ERC2: variants seen among roughly 807,000 people sequenced by gnomAD.
ERC2 encodes ELKS/RAB6-interacting/CAST family member 2.
A neutral mutation model predicts 114.8 loss-of-function variants in ERC2; 42 were observed. The ratio of observed to expected loss-of-function variants is 0.37; its 90% CI spans 0.29 to 0.47. ERC2 has a LOEUF of 0.47. Ranked by LOEUF, ERC2 falls within the 20% of genes least tolerant of loss-of-function variation. The pLI is 0.99. For missense variants in ERC2, 939 were observed against 1,150.7 expected, an observed-to-expected ratio of 0.82 and a Z score of 2.66; for synonymous variants, 454 against 425.5, an observed-to-expected ratio of 1.07 and a Z score of -0.82.
chr3:56,104,451 T>G (rs2078535201), intron 6 of ERC2, among the ~76,000 whole-genome samples: 2 of 152,206 alleles, frequency 1.3e-5, no homozygotes, highest in Admixed American at 1.3e-4. Flanking sequence ...ACCTCTAATT[T>G]TCCCTTCTTA....
intron 13 of ERC2, among the ~76,000 whole-genome samples, chr3:55,907,086 G>A (rs924176257): frequency 2.6e-5 from 4 of 152,182 alleles, no homozygotes; most frequent in African/African-American, 9.7e-5. Flanking sequence ...GCACACAGTG[G>A]TGAATCAGAA....
intron 3 of ERC2, among the ~76,000 whole-genome samples, chr3:56,185,609 G>A (rs779710670): frequency 9.9e-5 from 15 of 152,198 alleles, no homozygotes; most frequent in Admixed American, 2.6e-4. Flanking sequence ...GATCTGGGAT[G>A]AGGTGAATGT....
Position 55,766,498 on chromosome 3 carries a change from G to A in ERC2, c.2565-31580C>T, listed in dbSNP as rs987145546. Among the ~76,000 whole-genome samples the A allele has an allele frequency of 3.9e-5, 6 of 152,066 alleles. No homozygotes were observed. The South Asian group carries it at 1.2e-3, about 32-fold the overall frequency. ...CCAACAACAGTATGCAAGCTTTCCT[G>A]CCCAGCCTTGGAAATGACCCAAGGA... is the stretch of plus-strand genomic sequence containing the variant. On this transcript the variant is annotated intron_variant, in intron 14 of 17. Coordinates refer to ENST00000288221, the MANE Select transcript of ERC2 (RefSeq NM_015576.3).
Position 56,196,758 on chromosome 3 carries a change from A to G in ERC2, c.1075-23238T>C, listed in dbSNP as rs529362400. Among the ~76,000 whole-genome samples, 112 of 152,306 alleles carry G rather than the reference A, an allele frequency of 7.4e-4. 1 individual carries two copies. In the Middle Eastern group the frequency reaches 0.01, roughly 14 times the overall value. Reference sequence around the variant, plus strand: ...TGACGAGGCCTAGCTACTGAGCCACAGATAAATGTTTCTTCAAGATAGTAA... The same window carrying G: ...TGACGAGGCCTAGCTACTGAGCCACGGATAAATGTTTCTTCAAGATAGTAA... On this transcript the variant is annotated intron_variant, in intron 3 of 17. Coordinates refer to ENST00000288221, the MANE Select transcript of ERC2 (RefSeq NM_015576.3).
chr3:56,308,414 G>C (rs2056355704), intron 2 of ERC2, among the ~76,000 whole-genome samples: 1 of 152,190 alleles, frequency 6.6e-6, no homozygotes. Context: ...AATACACTTT[G>C]CCTTAGCCAA....
intron 5 of ERC2, among the ~76,000 whole-genome samples, chr3:56,144,253 G>A (rs1358479631): frequency 6.6e-6 from 1 of 152,186 alleles, no homozygotes; most frequent in East Asian, 1.9e-4. Flanking sequence ...TGGAACAAAA[G>A]TAAGAAGTTC....
rs547464988 is a variant in ERC2 at position 55,708,169 on chromosome 3, G to GC, written c.2713-8658dup. Among the ~76,000 whole-genome samples the GC allele has an allele frequency of 1.3e-3, 204 of 152,274 alleles. 1 individual carries two copies. The highest frequency in any genetic ancestry group is 4.7e-3 in the African/African-American group (195 of 41,552). ...AGACACATTAGAAAATCTTAATGGA[G>GC]CCCCAAAGAAGTCCATGTTACTGAC... On this transcript the variant is annotated intron_variant, in intron 15 of 17. Coordinates refer to ENST00000288221, the MANE Select transcript of ERC2 (RefSeq NM_015576.3).
chr3:56,105,409 C>A (rs944493207), intron 6 of ERC2, among the ~76,000 whole-genome samples: 1 of 152,138 alleles, frequency 6.6e-6, no homozygotes, highest in Non-Finnish European at 1.5e-5. Context: ...AACTCCTGGG[C>A]TCAAGCTATC....
At chr3:56,165,446 A>G (rs1385613814) in intron 4 of ERC2, among the ~76,000 whole-genome samples, 2 of 149,934 alleles carry the variant, frequency 1.3e-5, no homozygotes, top group Non-Finnish European at 3.0e-5. Context: ...CATTAGGTAT[A>G]TCTCCTAATG....
chr3:56,001,479 G>A (rs758518520), intron 10 of ERC2, among the ~76,000 whole-genome samples: 16 of 151,936 alleles, frequency 1.1e-4, no homozygotes, highest in African/African-American at 2.2e-4. Flanking sequence ...CTATATTCCC[G>A]GGATGCCAAA....
At chr3:56,422,329 C>T (rs17056785) in intron 2 of ERC2, among the ~76,000 whole-genome samples, 2,269 of 152,252 alleles carry the variant, frequency 0.015, 50 homozygotes, top group African/African-American at 0.05. Flanking sequence ...AAAGGGTCTG[C>T]CAGGCCTTTA....
At chr3:56,261,231 G>A (rs2052901306) in intron 3 of ERC2, among the ~76,000 whole-genome samples, 2 of 152,140 alleles carry the variant, frequency 1.3e-5, no homozygotes, top group South Asian at 4.1e-4. Context: ...TTCACAAGAA[G>A]CTTTCCTTGC....
chr3:56,378,925 T>C (rs1282970269), intron 2 of ERC2, among the ~76,000 whole-genome samples: 1 of 152,200 alleles, frequency 6.6e-6, no homozygotes, highest in Non-Finnish European at 1.5e-5. Context: ...AAGCCACATG[T>C]GCAATTTTAT....
At chr3:55,511,896 A>T (rs1239565443) in intron 17 of ERC2, among the ~76,000 whole-genome samples, 1 of 152,220 alleles carries the variant, frequency 6.6e-6, no homozygotes, top group Non-Finnish European at 1.5e-5. Flanking sequence ...TAGTGCAATG[A>T]GTGAGAAGGG....
chr3:55,867,444 C>T (rs2062376870), intron 14 of ERC2, among the ~76,000 whole-genome samples: 1 of 152,128 alleles, frequency 6.6e-6, no homozygotes, highest in Non-Finnish European at 1.5e-5. Flanking sequence ...TCCGTAGTGA[C>T]CATACATACA....
rs537244200 is a variant in ERC2, at chr3:56,057,527, T to G, written c.1641+23290A>C. On this transcript the variant is annotated intron_variant, in intron 7 of 17. Transcript: ENST00000288221. ...TGGGTTGTGTTCTGGCATAGCTGCATGGTTCTTTCGCCTAAGATGTACCTA... is the reference window on the plus strand; with the variant it reads ...TGGGTTGTGTTCTGGCATAGCTGCAGGGTTCTTTCGCCTAAGATGTACCTA... Among the ~76,000 whole-genome samples, 7 of 152,354 alleles carry G rather than the reference T, an allele frequency of 4.6e-5. No homozygotes were observed. In the South Asian group the frequency reaches 1.5e-3, roughly 32 times the overall value.
intron 14 of ERC2, among the ~76,000 whole-genome samples, chr3:55,770,657 A>G (rs1288571494): frequency 3.9e-5 from 6 of 152,210 alleles, no homozygotes; most frequent in Admixed American, 3.9e-4. Context: ...TCTGGGATAC[A>G]TGTGCAGAAT....
At chr3:56,424,172 G>T (rs1559483028) in intron 2 of ERC2, among the ~76,000 whole-genome samples, 1 of 152,102 alleles carries the variant, frequency 6.6e-6, no homozygotes, top group East Asian at 1.9e-4. Flanking sequence ...TGAATGTTTT[G>T]GGAGTGACCA....
At chr3:56,054,739 G>A (rs1262671688) in intron 7 of ERC2, among the ~76,000 whole-genome samples, 1 of 152,082 alleles carries the variant, frequency 6.6e-6, no homozygotes, top group Non-Finnish European at 1.5e-5. Flanking sequence ...ATAAAATATG[G>A]GTCATCTCTT....
Sources: allele counts gnomAD v4.1 joint callset (sites outside exome capture counted in the v4.1 genomes callset), GRCh38; gene constraint gnomAD v4.1.1; transcripts MANE v1.5; gene names NCBI Gene and HGNC (gene_info 2026-07-23, HGNC 2026-07-21).